SCAPER: variants seen among roughly 807,000 people sequenced by gnomAD.
SCAPER encodes the protein S phase cyclin A-associated protein in the endoplasmic reticulum.
SCAPER carries 98 observed loss-of-function variants against 182.2 expected under a neutral mutation model. That is an observed-to-expected ratio of 0.54 (90% CI 0.46 to 0.64). The LOEUF (loss-of-function observed/expected upper bound fraction) is 0.64, where lower values mean the gene tolerates loss of function less well. Among genes scored for constraint, SCAPER ranks in the 30% least tolerant of loss-of-function variants. The probability of loss-of-function intolerance (pLI) is 0.00; values close to 1 mark genes in which losing one functional copy is unlikely to be tolerated. For missense variants in SCAPER, 1,432 were observed against 1,690.0 expected, an observed-to-expected ratio of 0.85 and a Z score of 2.68; for synonymous variants, 605 against 564.6, an observed-to-expected ratio of 1.07 and a Z score of -1.01.
At chr15:76,882,678 T>C (rs969570802) in intron 2 of SCAPER, among the ~76,000 whole-genome samples, 3 of 152,020 alleles carry the variant, frequency 2.0e-5, no homozygotes, top group Non-Finnish European at 2.9e-5. Context: ...TTTTTTCTTT[T>C]ATTTGAGACG....
At chr15:76,833,856 T>C (rs1295480051) in intron 5 of SCAPER, among the ~76,000 whole-genome samples, 1 of 152,230 alleles carries the variant, frequency 6.6e-6, no homozygotes, top group East Asian at 1.9e-4. Context: ...CCTAGATTCA[T>C]GACATAAGTT....
intron 14 of SCAPER, among the ~76,000 whole-genome samples, chr15:76,754,715 T>G (rs2062308324): frequency 6.6e-6 from 1 of 151,950 alleles, no homozygotes; most frequent in Non-Finnish European, 1.5e-5. Flanking sequence ...TTTTTTTCTC[T>G]CAATAATTGT....
chr15:76,364,921 A>C (rs1432277350), intron 29 of SCAPER, among the ~76,000 whole-genome samples: 2 of 152,044 alleles, frequency 1.3e-5, no homozygotes, highest in African/African-American at 4.8e-5. Flanking sequence ...CCTGAGCTCC[A>C]GTTAGAATAA....
chr15:76,765,141 T>C, intron 13 of SCAPER, 69 bp from the exon 14 acceptor site: 1 of 1,200,386 alleles, frequency 8.3e-7, no homozygotes, highest in East Asian at 2.5e-5. Context: ...AAGTGTTCTT[T>C]AGACTTCATA....
intron 25 of SCAPER, among the ~76,000 whole-genome samples, chr15:76,435,127 A>G (rs1426085920): frequency 6.6e-6 from 1 of 152,234 alleles, no homozygotes; most frequent in Non-Finnish European, 1.5e-5. Flanking sequence ...AGCAAAAACA[A>G]GCAACTTATT....
chr15:76,594,501 G>C lies in SCAPER; in HGVS notation c.2712-20217C>G, dbSNP rs1011991548. ...ATGCCCCAGAGATACTCCTCGAGAAGAGCAACCCCAAGACACATAATCATC... is the reference window on the plus strand; with the variant it reads ...ATGCCCCAGAGATACTCCTCGAGAACAGCAACCCCAAGACACATAATCATC... On this transcript the variant is annotated intron_variant, in intron 22 of 31. Transcript: ENST00000563290. 1.8e-4 allele frequency among the ~76,000 whole-genome samples: 22 copies of C among 120,708 alleles called. 3 individuals carry two copies. Among genetic ancestry groups the C allele is most frequent in the African/African-American group, 5.5e-4 (22 of 39,650 alleles). 79.2% of individuals were successfully genotyped at this position (120,708 alleles called of 152,430 possible).
chr15:76,463,405 G>A (rs1429959345), intron 25 of SCAPER, among the ~76,000 whole-genome samples: 2 of 152,130 alleles, frequency 1.3e-5, no homozygotes, highest in Admixed American at 6.6e-5. Flanking sequence ...TTGCTGTAAG[G>A]TTGCACTTAG....
chr15:76,357,188 A>ACACACACACACACACC (rs774672151), intron 29 of SCAPER, among the ~76,000 whole-genome samples: 60 of 149,180 alleles, frequency 4.0e-4, no homozygotes, highest in African/African-American at 7.0e-4. Context: ...ACACACACAC[A>ACACACACACACACACC]CCCCTATGGC....
At chr15:76,785,919 T>C (rs1258246322) in intron 8 of SCAPER, among the ~76,000 whole-genome samples, 1 of 152,054 alleles carries the variant, frequency 6.6e-6, no homozygotes, top group Admixed American at 6.5e-5. Context: ...GAAAAATACC[T>C]AATGCAAATG....
chr15:76,446,437 G>C (rs1476325483), intron 25 of SCAPER, among the ~76,000 whole-genome samples: 4 of 152,200 alleles, frequency 2.6e-5, no homozygotes, highest in Non-Finnish European at 4.4e-5. Context: ...CATTGCAATA[G>C]CTGCCCAAAA....
intron 1 of SCAPER, among the ~76,000 whole-genome samples, chr15:76,892,281 A>C (rs537598999): frequency 6.6e-6 from 1 of 152,370 alleles, no homozygotes; most frequent in African/African-American, 2.4e-5. Context: ...TTCATGACTA[A>C]AACACCAAAA....
Position 76,751,533 on chromosome 15 carries a change from T to C in SCAPER, c.1866+2275A>G, listed in dbSNP as rs112996764. 8.0e-3 allele frequency among the ~76,000 whole-genome samples: 1,216 copies of C among 151,828 alleles called. 11 individuals are homozygous for C. The highest frequency in any genetic ancestry group is 0.028 in the African/African-American group (1,151 of 41,514). ...TAGTACTAGCACTAAAACAGACATA[T>C]AGACCTATGGAATAGAACACGGGGC... On this transcript the variant is annotated intron_variant, in intron 15 of 31. Coordinates refer to ENST00000563290, the MANE Select transcript of SCAPER (RefSeq NM_020843.4).
chr15:76,823,183 G>A (rs3099138), intron 5 of SCAPER, among the ~76,000 whole-genome samples: 20,382 of 152,128 alleles, frequency 0.13, 1,406 homozygotes, highest in African/African-American at 0.17. Context: ...TTTGGGCTGG[G>A]CGCTGTGGCT....
intron 26 of SCAPER, among the ~76,000 whole-genome samples, chr15:76,433,283 G>A (rs2046981927): frequency 6.6e-6 from 1 of 152,110 alleles, no homozygotes; most frequent in Non-Finnish European, 1.5e-5. Flanking sequence ...GGAGGCGGGT[G>A]GGTCATTTGT....
chr15:76,742,195 G>C (rs1567985656), intron 15 of SCAPER, among the ~76,000 whole-genome samples: 2 of 151,882 alleles, frequency 1.3e-5, no homozygotes, highest in South Asian at 4.1e-4. Context: ...TATAGTTGCA[G>C]AAAGGGGAAA....
chr15:76,646,433 T>C (rs1567689492), intron 21 of SCAPER, among the ~76,000 whole-genome samples: 1 of 152,282 alleles, frequency 6.6e-6, no homozygotes, highest in East Asian at 1.9e-4. Flanking sequence ...CCAGCTATTA[T>C]ACAGTGAAAA....
chr15:76,558,322 T>G (rs1393970704), intron 23 of SCAPER, among the ~76,000 whole-genome samples: 1 of 151,786 alleles, frequency 6.6e-6, no homozygotes, highest in East Asian at 1.9e-4. Flanking sequence ...AAAGAAAAAG[T>G]GGGCAAAGGA....
intron 25 of SCAPER, among the ~76,000 whole-genome samples, chr15:76,459,922 G>A (rs1456534702): frequency 6.6e-6 from 1 of 152,094 alleles, no homozygotes; most frequent in Non-Finnish European, 1.5e-5. Context: ...ACTTACTAAA[G>A]AGGGTGTCCA....
intron 26 of SCAPER, among the ~76,000 whole-genome samples, chr15:76,419,552 C>G (rs2045884391): frequency 6.6e-6 from 1 of 151,904 alleles, no homozygotes; most frequent in South Asian, 2.1e-4. Context: ...GACACCCTGT[C>G]TCTACGAAAA....
Sources: gnomAD v4.1 joint callset for allele counts (sites outside exome capture counted in the v4.1 genomes callset) on GRCh38, gnomAD v4.1.1 for gene constraint, MANE v1.5 for transcripts, NCBI Gene and HGNC (gene_info 2026-07-23, HGNC 2026-07-21) for gene names.